EDA: variants seen among roughly 807,000 people sequenced by gnomAD.
EDA encodes ectodysplasin A, also known as ectodysplasin-A.
A neutral mutation model predicts 23.6 loss-of-function variants in EDA; 2 were observed. That is an observed-to-expected ratio of 0.08 (90% CI 0.03 to 0.27). The LOEUF is 0.27. EDA is among the 10% of genes least tolerant of loss of function. The probability of loss-of-function intolerance (pLI) is 1.00; values close to 1 mark genes in which losing one functional copy is unlikely to be tolerated. For missense variants in EDA, 229 were observed against 324.2 expected, an observed-to-expected ratio of 0.71 and a Z score of 2.26; for synonymous variants, 131 against 132.0, an observed-to-expected ratio of 0.99 and a Z score of 0.05.
intron 2 of EDA, among the ~76,000 whole-genome samples, chrX:69,963,461 C>T (rs1005031983): frequency 1.8e-5 from 2 of 111,678 alleles, no homozygotes; most frequent in Admixed American, 9.5e-5. Context: ...TGTGTGGACT[C>T]GAAGAGGATT....
chrX:69,736,736 A>T (rs1340876042), intron 1 of EDA, among the ~76,000 whole-genome samples: 1 of 105,630 alleles, frequency 9.5e-6, no homozygotes, highest in Non-Finnish European at 1.9e-5. Flanking sequence ...TTTTAGTTGT[A>T]TCAGGAGGAG....
chrX:69,784,972 C>A (rs1257071351), intron 1 of EDA, among the ~76,000 whole-genome samples: 1 of 110,271 alleles, frequency 9.1e-6, no homozygotes, highest in African/African-American at 3.3e-5. Context: ...TTTCCTTGAG[C>A]AGTGGTTTGT....
At chrX:70,028,085 A>G in intron 4 of EDA, 49 bp downstream of exon 4, 1 of 1,177,558 alleles carries the variant, frequency 8.5e-7, no homozygotes, top group Non-Finnish European at 1.1e-6. Flanking sequence ...AAAGTACTTT[A>G]GGAGAGCAGG....
chrX:69,959,475 T>C (rs1039858854), intron 2 of EDA, among the ~76,000 whole-genome samples: 10 of 112,084 alleles, frequency 8.9e-5, no homozygotes, highest in African/African-American at 2.9e-4. Context: ...CTTTGAACCA[T>C]TCTTGTTACT....
At chrX:69,794,038 T>A in intron 1 of EDA, among the ~76,000 whole-genome samples, 1 of 111,822 alleles carries the variant, frequency 8.9e-6, no homozygotes, top group South Asian at 3.7e-4. Flanking sequence ...AACAAATATT[T>A]ACTGAATGCT....
chrX:69,653,010 A>G (rs36153714), intron 1 of EDA, among the ~76,000 whole-genome samples: 11,433 of 111,384 alleles, frequency 0.1, 612 homozygotes, highest in Non-Finnish European at 0.15. Flanking sequence ...TCCAATCTGT[A>G]AAGAAAGTCA....
intron 4 of EDA, among the ~76,000 whole-genome samples, chrX:70,029,102 GA>G (rs2020162818): frequency 1.8e-5 from 2 of 112,761 alleles, no homozygotes; most frequent in South Asian, 7.3e-4. Context: ...AGAGAACAAA[GA>G]AACAAGATAT....
intron 1 of EDA, among the ~76,000 whole-genome samples, chrX:69,844,735 T>C (rs146893887): frequency 1.4e-3 from 158 of 112,340 alleles, no homozygotes; most frequent in African/African-American, 4.8e-3. Flanking sequence ...GTCTCCAAAG[T>C]CCCACAAGCA....
At chrX:69,909,338 C>T (rs912450764) in intron 1 of EDA, among the ~76,000 whole-genome samples, 1 of 112,049 alleles carries the variant, frequency 8.9e-6, no homozygotes. Flanking sequence ...ACTCTGTTGC[C>T]CAGGCTAGAG....
intron 1 of EDA, among the ~76,000 whole-genome samples, chrX:69,902,591 A>G (rs1431606412): frequency 8.9e-6 from 1 of 112,151 alleles, no homozygotes; most frequent in Non-Finnish European, 1.9e-5. Context: ...CTCTAAAGCT[A>G]TAACATTAAA....
At chrX:69,692,627 A>G (rs765264069) in intron 1 of EDA, among the ~76,000 whole-genome samples, 5 of 112,162 alleles carry the variant, frequency 4.5e-5, no homozygotes, top group Non-Finnish European at 7.5e-5. Context: ...TAATAAGATA[A>G]TTAATGTAAA....
At chrX:69,644,181 A>G (rs774561375) in intron 1 of EDA, among the ~76,000 whole-genome samples, 20 of 110,789 alleles carry the variant, frequency 1.8e-4, no homozygotes, top group African/African-American at 6.5e-4. Context: ...TGTTGAATCT[A>G]TAAATTACTT....
At chrX:69,815,947 C>G (rs985588465) in intron 1 of EDA, among the ~76,000 whole-genome samples, 37 of 111,627 alleles carry the variant, frequency 3.3e-4, no homozygotes, top group African/African-American at 1.2e-3. Context: ...TTGTGCAGGA[C>G]AGCAAGAGGT....
chrX:69,676,651 TCTC>T (rs1934096962), intron 1 of EDA, among the ~76,000 whole-genome samples: 2 of 110,570 alleles, frequency 1.8e-5, no homozygotes, highest in African/African-American at 6.6e-5. Flanking sequence ...GTGAATCAGA[TCTC>T]CTCTTCCAGC....
chrX:69,774,711 C>T (rs1471619739), intron 1 of EDA, among the ~76,000 whole-genome samples: 1 of 111,468 alleles, frequency 9.0e-6, no homozygotes, highest in Non-Finnish European at 1.9e-5. Context: ...CTAGAGACTT[C>T]CCTGAACTTG....
At chrX:69,694,092 A>G (rs2011255941) in intron 1 of EDA, among the ~76,000 whole-genome samples, 2 of 112,301 alleles carry the variant, frequency 1.8e-5, no homozygotes, top group African/African-American at 6.5e-5. Context: ...CATAATTGGC[A>G]TAATTTTTTA....
chrX:69,695,396 A>G (rs984663001), intron 1 of EDA, among the ~76,000 whole-genome samples: 1 of 111,777 alleles, frequency 8.9e-6, no homozygotes, highest in African/African-American at 3.3e-5. Context: ...GTGAAATAAC[A>G]GTAATCATTT....
intron 1 of EDA, among the ~76,000 whole-genome samples, chrX:69,755,503 C>G (rs1380295571): frequency 8.9e-6 from 1 of 112,200 alleles, no homozygotes; most frequent in South Asian, 3.7e-4. Flanking sequence ...TTAGGCTACC[C>G]ATGGGTCAGG....
At chrX:69,876,288 T>TAC (rs2147614394) in intron 1 of EDA, among the ~76,000 whole-genome samples, 1 of 110,779 alleles carries the variant, frequency 9.0e-6, no homozygotes, top group South Asian at 3.8e-4. Context: ...TATATATATA[T>TAC]GGTGAGGTAT....
Sources: allele counts gnomAD v4.1 joint callset (sites outside exome capture counted in the v4.1 genomes callset), GRCh38; gene constraint gnomAD v4.1.1; transcripts MANE v1.5; gene names NCBI Gene and HGNC (gene_info 2026-07-23, HGNC 2026-07-21).